The following NLGN4X variants were observed in gnomAD, a reference collection of about 807,000 sequenced individuals.
NLGN4X encodes the protein neuroligin 4 X-linked.
Under a neutral mutation model 40.3 loss-of-function variants are expected in NLGN4X, and 3 were observed. That is an observed-to-expected ratio of 0.07 (90% CI 0.03 to 0.19). NLGN4X has a LOEUF of 0.19. Among genes scored for constraint, NLGN4X ranks in the 10% least tolerant of loss-of-function variants. The probability of loss-of-function intolerance (pLI) is 1.00; values close to 1 mark genes in which losing one functional copy is unlikely to be tolerated. For missense variants in NLGN4X, 382 were observed against 708.3 expected (o/e 0.54, Z 5.23); for synonymous variants, 270 against 306.8 (o/e 0.88, Z 1.25).
chrX:5,969,568 T>A (rs2034951499), intron 3 of NLGN4X, among the ~76,000 whole-genome samples: 1 of 111,434 alleles, frequency 9.0e-6, no homozygotes, highest in Admixed American at 9.5e-5. Context: ...GCTTTTACAC[T>A]GTTGGCGGGA....
intron 3 of NLGN4X, among the ~76,000 whole-genome samples, chrX:5,974,275 A>G (rs886094252): frequency 3.6e-5 from 4 of 112,387 alleles, no homozygotes; most frequent in Non-Finnish European, 7.5e-5. Flanking sequence ...CACTGAAATG[A>G]AACATCATTC....
intron 2 of NLGN4X, among the ~76,000 whole-genome samples, chrX:6,093,487 AAAAAGAACAAACTCATTTATT>A (rs1436741035): frequency 5.4e-5 from 6 of 112,058 alleles, no homozygotes; most frequent in African/African-American, 1.9e-4. Context: ...GAAAATACAG[AAAAAGAACAAACTCATTTATT>A]AAAAGGAATG....
chrX:5,972,949 C>T (rs1052255201), intron 3 of NLGN4X, among the ~76,000 whole-genome samples: 1 of 111,997 alleles, frequency 8.9e-6, no homozygotes, highest in East Asian at 2.8e-4. Flanking sequence ...ACTGTTGCAA[C>T]AGCTAACAGA....
At chrX:5,958,743 C>G (rs1297356039) in intron 3 of NLGN4X, among the ~76,000 whole-genome samples, 2 of 111,706 alleles carry the variant, frequency 1.8e-5, no homozygotes, top group Non-Finnish European at 3.8e-5. Context: ...GATTTGCCTA[C>G]AGCAAACACA....
intron 2 of NLGN4X, among the ~76,000 whole-genome samples, chrX:6,094,970 A>AT (rs765005101): frequency 0.012 from 1,346 of 108,729 alleles, 17 homozygotes; most frequent in African/African-American, 0.04. Context: ...CGTTGCAGCA[A>AT]TTTTTTTTTT....
At position 6,084,644 on chromosome X, in the gene NLGN4X, A is replaced by T. The variant is rs2038452800; in HGVS notation, c.473-55212T>A. ...TCCCCGAATTCATGCGTTGACATGA[A>T]TATTATTAAACCCTAGTAAGACAGT... On this transcript the variant is annotated intron_variant, in intron 2 of 5. Coordinates refer to ENST00000381095, the MANE Select transcript of NLGN4X (RefSeq NM_181332.3). 2.7e-5 allele frequency among the ~76,000 whole-genome samples: 3 copies of T among 111,571 alleles called. No homozygotes were observed. In the Admixed American group the frequency reaches 2.9e-4, roughly 11 times the overall value.
intron 3 of NLGN4X, among the ~76,000 whole-genome samples, chrX:6,018,079 T>G (rs1353589610): frequency 9.0e-6 from 1 of 111,685 alleles, no homozygotes; most frequent in Non-Finnish European, 1.9e-5. Context: ...CACATATATA[T>G]ACACACATAT....
intron 3 of NLGN4X, among the ~76,000 whole-genome samples, chrX:5,978,288 CTTTCTTTCTTTCTTTCT>C (rs2035254332): frequency 1.1e-4 from 2 of 18,796 alleles, no homozygotes; most frequent in African/African-American, 7.7e-4. Context: ...TTCTTTCTTT[CTTTCTTTCTTTCTTTCT>C]TTCTTTCTTT....
intron 3 of NLGN4X, among the ~76,000 whole-genome samples, chrX:5,926,484 A>G (rs1347394877): frequency 9.0e-6 from 1 of 110,710 alleles, no homozygotes; most frequent in East Asian, 2.8e-4. Flanking sequence ...ATATATAGGA[A>G]AAGTGGGAAA....
At position 6,180,774 on chromosome X, in the gene NLGN4X, C is replaced by T. The variant is rs149969381; in HGVS notation, c.-305-29003G>A. On this transcript the variant is annotated intron_variant, in intron 1 of 5. Coordinates refer to ENST00000381095, the MANE Select transcript of NLGN4X (RefSeq NM_181332.3). ...CTATAAACTCCAGTTAAGCCACTCTCCACAGGACTTTGGAACACCTAAAGT... is the reference window on the plus strand; with the variant it reads ...CTATAAACTCCAGTTAAGCCACTCTTCACAGGACTTTGGAACACCTAAAGT... Among the ~76,000 whole-genome samples, 205 of 110,119 alleles carry T rather than the reference C, an allele frequency of 1.9e-3. 1 individual carries two copies. Among genetic ancestry groups the T allele is most frequent in the African/African-American group, 6.4e-3 (195 of 30,269 alleles).
chrX:5,924,625 G>A (rs759332927), intron 3 of NLGN4X, among the ~76,000 whole-genome samples: 4 of 111,755 alleles, frequency 3.6e-5, no homozygotes, highest in African/African-American at 9.8e-5. Flanking sequence ...ATCAACGAGC[G>A]GATAAAGAAA....
chrX:6,174,527 A>T (rs1429654561), intron 1 of NLGN4X, among the ~76,000 whole-genome samples: 1 of 112,274 alleles, frequency 8.9e-6, no homozygotes, highest in Non-Finnish European at 1.9e-5. Flanking sequence ...ACAGACATGG[A>T]ATCAACCTAG....
At chrX:6,061,662 A>AATC (rs1169083069) in intron 2 of NLGN4X, 2 of 111,369 alleles carry the variant, frequency 1.8e-5, no homozygotes, top group Non-Finnish European at 3.8e-5. Flanking sequence ...ACCTCTATTC[A>AATC]ATCTCAACTG....
chrX:6,144,070 C>G (rs1279090420), intron 2 of NLGN4X, among the ~76,000 whole-genome samples: 1 of 111,778 alleles, frequency 8.9e-6, no homozygotes, highest in African/African-American at 3.3e-5. Context: ...GACTGTGACA[C>G]TGCACTGCAG....
chrX:6,101,076 G>A (rs2038898755), intron 2 of NLGN4X, among the ~76,000 whole-genome samples: 1 of 111,315 alleles, frequency 9.0e-6, no homozygotes, highest in Admixed American at 9.6e-5. Flanking sequence ...AAAAAATAAA[G>A]AAAAAAACCA....
chrX:6,206,527 G>C (rs1427655100), intron 1 of NLGN4X, among the ~76,000 whole-genome samples: 1 of 112,060 alleles, frequency 8.9e-6, no homozygotes, highest in African/African-American at 3.2e-5. Flanking sequence ...TCAGGAAACA[G>C]GAATATACTC....
intron 2 of NLGN4X, among the ~76,000 whole-genome samples, chrX:6,111,003 T>C (rs1003831749): frequency 3.6e-5 from 4 of 111,616 alleles, no homozygotes; most frequent in African/African-American, 1.3e-4. Context: ...AAAGCGAAGC[T>C]AATCCTAACC....
At chrX:6,208,527 C>T (rs1924249894) in intron 1 of NLGN4X, among the ~76,000 whole-genome samples, 1 of 112,276 alleles carries the variant, frequency 8.9e-6, no homozygotes, top group Non-Finnish European at 1.9e-5. Flanking sequence ...TCATTGCACT[C>T]TTTGCCCAGT....
At chrX:6,103,890 T>C (rs775838068) in intron 2 of NLGN4X, among the ~76,000 whole-genome samples, 9 of 112,509 alleles carry the variant, frequency 8.0e-5, no homozygotes, top group Non-Finnish European at 1.1e-4. Context: ...AATTAGACCA[T>C]AACTTTGTGG....
Sources: gnomAD v4.1 joint callset for allele counts (sites outside exome capture counted in the v4.1 genomes callset) on GRCh38, gnomAD v4.1.1 for gene constraint, MANE v1.5 for transcripts, NCBI Gene and HGNC (gene_info 2026-07-23, HGNC 2026-07-21) for gene names.